The following SUPT6H variants were observed in gnomAD, a reference collection of about 807,000 sequenced individuals.
The protein encoded by SUPT6H is SPT6 homolog, histone chaperone and transcription elongation factor.
SUPT6H carries 11 observed loss-of-function variants against 222.3 expected under a neutral mutation model. The observed-to-expected ratio is 0.05, with a 90% confidence interval of 0.03 to 0.08. The LOEUF (loss-of-function observed/expected upper bound fraction) is 0.08. Among genes scored for constraint, SUPT6H ranks in the 10% least tolerant of loss-of-function variants. The pLI is 1.00. For synonymous variants in SUPT6H, 762 were observed against 801.2 expected, an observed-to-expected ratio of 0.95 and a Z score of 0.83; for missense variants, 1,422 against 2,216.0, an observed-to-expected ratio of 0.64 and a Z score of 7.19.
rs2030661320 is a variant in SUPT6H at position 28,675,087 on chromosome 17, G to A, written c.463G>A (p.Gly155Arg). ...GGAAGAAATCTTCCAGGATGGGGAAGGGGAAGAAGGGCAGGAGGCCATGGA... is the reference window on the plus strand; with the variant it reads ...GGAAGAAATCTTCCAGGATGGGGAAAGGGAAGAAGGGCAGGAGGCCATGGA... ...IAEEIFQDGEGEEGQEAMEAP... is the reference protein window; with the variant it reads ...IAEEIFQDGEREEGQEAMEAP... The change falls in exon 5 of 37, where the codon GGG becomes AGG. Residue 155 changes from glycine to arginine, a missense_variant. Physicochemically the swap from Gly to Arg is moderately radical, Grantham distance 125. Coordinates refer to ENST00000314616, the MANE Select transcript of SUPT6H (RefSeq NM_003170.5). 1 of 1,614,150 alleles carries A rather than the reference G, an allele frequency of 6.2e-7. No individual in the cohort carries two copies. Among genetic ancestry groups the A allele is most frequent in the East Asian group, 2.2e-5 (1 of 44,868 alleles).
At chr17:28,687,593 T>G (rs2031450843) in intron 23 of SUPT6H, 122 bp downstream of exon 23, 1 of 1,138,520 alleles carries the variant, frequency 8.8e-7, no homozygotes, top group African/African-American at 1.6e-5. Flanking sequence ...CCAAAATCAC[T>G]CAGCTAGTGA....
chr17:28,696,920 C>T lies in SUPT6H; in HGVS notation c.4047C>T (p.Thr1349=). ...AGCAAGCAGAAAAGATGATGGAGAC[C>T]ATGGACCAGGGTGATGTGATTATCC... is the stretch of plus-strand genomic sequence containing the variant. ...NFKQAEKMME[T]MDQGDVIIRP... is the part of the protein sequence containing the mutation. The change falls in exon 30 of 37, where the codon ACC becomes ACT. Residue 1349 remains threonine, a synonymous_variant. Transcript: ENST00000314616. The T allele has an allele frequency of 6.2e-7, 1 of 1,613,922 alleles. No individual in the cohort carries two copies. The highest frequency in any genetic ancestry group is 8.5e-7 in the Non-Finnish European group (1 of 1,179,996).
At chr17:28,696,585 C>G (rs976553729) in intron 29 of SUPT6H, among the ~76,000 whole-genome samples, 1 of 54,030 alleles carries the variant, frequency 1.9e-5, no homozygotes, top group Non-Finnish European at 3.7e-5. Context: ...GAGACTGTCT[C>G]AAAAAAAAAA....
chr17:28,685,304 G>A (rs936506969), intron 19 of SUPT6H, among the ~76,000 whole-genome samples: 2 of 151,898 alleles, frequency 1.3e-5, no homozygotes. Context: ...AGCCTTTCAG[G>A]GTGTCTTTTT....
In SUPT6H at chr17:28,678,856, A is replaced by G. The variant is rs913834108; in HGVS notation, c.1242A>G (p.Thr414=). 9 of 1,614,040 alleles carry G rather than the reference A, an allele frequency of 5.6e-6. No individual in the cohort carries two copies. The highest frequency in any genetic ancestry group is 7.6e-6 in the Non-Finnish European group (9 of 1,180,042). The change falls in exon 11 of 37, where the codon ACA becomes ACG. Residue 414 remains threonine (T), a synonymous_variant. Transcript: ENST00000314616. ...TQLRIRKENL[T]RLFEKMQAYQ... is the part of the protein sequence containing the mutation. ...TGCGGATCCGTAAAGAGAACCTAACACGGCTGTTTGAGAAGATGCAGGCTT... is the reference window on the plus strand; with the variant it reads ...TGCGGATCCGTAAAGAGAACCTAACGCGGCTGTTTGAGAAGATGCAGGCTT...
At chr17:28,683,577 C>T (rs774199422) in intron 16 of SUPT6H, 44 bp from the exon 17 acceptor site, 7 of 1,600,296 alleles carry the variant, frequency 4.4e-6, no homozygotes, top group East Asian at 4.5e-5. Flanking sequence ...TTGGGTGTCA[C>T]CTTTTCTCCA....
At chr17:28,687,031 T>G in intron 21 of SUPT6H, 57 bp from the exon 22 acceptor site, 1 of 1,595,974 alleles carries the variant, frequency 6.3e-7, no homozygotes, top group East Asian at 2.2e-5. Context: ...TTGGATTTCC[T>G]CTTGATGTTG....
chr17:28,682,922 CT>C lies in SUPT6H; in HGVS notation c.1728-19del, dbSNP rs1412430802. 5 of 1,611,742 alleles carry C rather than the reference CT, an allele frequency of 3.1e-6. No individual in the cohort carries two copies. In the South Asian group the frequency reaches 5.5e-5, roughly 18 times the overall value. On this transcript the variant is annotated intron_variant, in intron 14 of 36. Transcript: ENST00000314616. ...GGACCACAACACCCTGGTCCTGTAG[CT>C]GCACCATTTTCCCCACAGCCAGTTC...
chr17:28,684,785 C>T, intron 18 of SUPT6H, 59 bp from the exon 19 acceptor site: 2 of 1,612,980 alleles, frequency 1.2e-6, no homozygotes, highest in East Asian at 2.2e-5. Flanking sequence ...TCATTTTTCT[C>T]TCATTCATAA....
chr17:28,691,556 A>C (rs2031642763), intron 27 of SUPT6H: 2 of 154,354 alleles, frequency 1.3e-5, no homozygotes, highest in African/African-American at 4.8e-5. Context: ...TGACTTAGAA[A>C]CTTCTTATGG....
intron 28 of SUPT6H, chr17:28,695,131 T>C: frequency 2.0e-6 from 1 of 510,704 alleles, no homozygotes. Flanking sequence ...CAGCTGGTTT[T>C]CCTGCCCAGA....
At chr17:28,679,185 A>G (rs1171695392) in intron 11 of SUPT6H, among the ~76,000 whole-genome samples, 1 of 152,142 alleles carries the variant, frequency 6.6e-6, no homozygotes, top group East Asian at 1.9e-4. Context: ...CAGCTTGGCC[A>G]GCATGGTGAA....
Position 28,701,687 on chromosome 17 carries a change from C to T in SUPT6H, c.*62C>T, listed in dbSNP as rs1322375951. 6.6e-7 allele frequency: 1 copy of T among 1,505,576 alleles called. No homozygotes were observed. Among genetic ancestry groups the T allele is most frequent in the Non-Finnish European group, 9.0e-7 (1 of 1,111,600 alleles). 93.3% of individuals were successfully genotyped at this position (1,505,576 alleles called of 1,614,324 possible). A position where few individuals can be genotyped will look rare whatever the true frequency, so the allele number is the denominator to read the frequency against. On this transcript the variant is annotated 3_prime_UTR_variant, in exon 37 of 37. Coordinates refer to ENST00000314616, the MANE Select transcript of SUPT6H (RefSeq NM_003170.5). ...TGGGAAAGGCCTGGCTGCCCACTGC[C>T]TCCCTCCCTGCCCCTCCTTTTATGT...
chr17:28,682,182 A>G lies in SUPT6H; in HGVS notation c.1597+202A>G, dbSNP rs1340463285. ...GACATGATGGTTCAGCCTCTCCCTA[A>G]TTTCCTGAGATAATGGGAAACTCAT... is the stretch of plus-strand genomic sequence containing the variant. On this transcript the variant is annotated intron_variant, in intron 13 of 36. Transcript: ENST00000314616. 12 of 486,200 alleles carry G rather than the reference A, an allele frequency of 2.5e-5. 1 individual carries two copies. The Admixed American group carries it at 4.0e-4, about 16-fold the overall frequency. 30.1% of individuals were successfully genotyped at this position (486,200 alleles called of 1,614,324 possible).
At chr17:28,693,618 C>A in intron 27 of SUPT6H, 78 bp from the exon 28 acceptor site, 2 of 1,550,226 alleles carry the variant, frequency 1.3e-6, no homozygotes, top group Non-Finnish European at 1.8e-6. Flanking sequence ...GAAATTACAA[C>A]ACCTCTGGGA....
chr17:28,686,658 G>T lies in SUPT6H; in HGVS notation c.2569G>T (p.Ala857Ser), dbSNP rs775521641. 2 of 1,592,294 alleles carry T rather than the reference G, an allele frequency of 1.3e-6. No homozygotes were observed. The highest frequency in any genetic ancestry group is 1.4e-5 in the African/African-American group (1 of 73,916). Residue 857 changes from alanine (A) to serine (S), a missense_variant, in exon 21 of 37, where the codon GCC (alanine) becomes TCC (serine). Ala to Ser is a moderately conservative substitution (Grantham distance 99). Around this residue, in one of 13 missense-constraint regions of SUPT6H, gnomAD observed 294 missense variants for 382.1 expected, o/e 0.77. Transcript: ENST00000314616. ...VVTVAGENRDAQMLIEDVKRI... is the reference protein window; with the variant it reads ...VVTVAGENRDSQMLIEDVKRI... The stretch of plus-strand genomic sequence containing the variant: ...GACCAACACTCATCCCACCAGGGAC[G>T]CCCAGATGTTGATTGAAGATGTGAA...
At chr17:28,678,735 C>G in intron 10 of SUPT6H, 86 bp from the exon 11 acceptor site, 1 of 1,611,002 alleles carries the variant, frequency 6.2e-7, no homozygotes, top group South Asian at 1.1e-5. Flanking sequence ...CTAGTCCTCC[C>G]CCACTAGGTT....
chr17:28,668,338 G>T (rs1208588911), intron 1 of SUPT6H, among the ~76,000 whole-genome samples: 1 of 152,176 alleles, frequency 6.6e-6, no homozygotes, highest in Non-Finnish European at 1.5e-5. Flanking sequence ...ATACATTAGT[G>T]TCTTTATTCT....
At chr17:28,668,890 T>G (rs2030249222) in intron 1 of SUPT6H, among the ~76,000 whole-genome samples, 1 of 152,200 alleles carries the variant, frequency 6.6e-6, no homozygotes, top group Non-Finnish European at 1.5e-5. Flanking sequence ...CTTTTGGCAG[T>G]GCTCAAGCTA....
Sources: allele counts gnomAD v4.1 joint callset (sites outside exome capture counted in the v4.1 genomes callset), GRCh38; gene constraint gnomAD v4.1.1; regional missense constraint gnomAD v4.1.1; transcripts MANE v1.5; gene names NCBI Gene and HGNC (gene_info 2026-07-23, HGNC 2026-07-21).